The following TPH2 variants were observed in gnomAD, a reference collection of about 807,000 sequenced individuals.
The protein encoded by TPH2 is tryptophan 5-hydroxylase 2.
A neutral mutation model predicts 59.1 loss-of-function variants in TPH2; 27 were observed. The ratio of observed to expected loss-of-function variants is 0.46; its 90% CI spans 0.34 to 0.63. The LOEUF (loss-of-function observed/expected upper bound fraction) is 0.63, where lower values mean the gene tolerates loss of function less well. Among genes scored for constraint, TPH2 ranks in the 30% least tolerant of loss-of-function variants. The pLI, the probability that TPH2 is intolerant of heterozygous loss-of-function variation, is 0.01. For missense variants in TPH2, 523 were observed against 588.3 expected (o/e 0.89, Z 1.15); for synonymous variants, 220 against 210.5 (o/e 1.05, Z -0.39).
chr12:71,993,086 C>T (rs1388073295), intron 7 of TPH2, among the ~76,000 whole-genome samples: 1 of 152,206 alleles, frequency 6.6e-6, no homozygotes, highest in Non-Finnish European at 1.5e-5. Flanking sequence ...TCTCAAGTGG[C>T]TGCCCTTTCA....
chr12:72,030,932 A>G (rs1029045733), intron 9 of TPH2, among the ~76,000 whole-genome samples: 1 of 152,166 alleles, frequency 6.6e-6, no homozygotes, highest in Admixed American at 6.6e-5. Flanking sequence ...TTCATAGCAT[A>G]GATTTAAAAT....
chr12:71,984,024 C>T (rs1227094311), intron 7 of TPH2, among the ~76,000 whole-genome samples: 1 of 152,150 alleles, frequency 6.6e-6, no homozygotes, highest in Non-Finnish European at 1.5e-5. Flanking sequence ...GTGTTGTTCC[C>T]ATTCCACACA....
intron 9 of TPH2, among the ~76,000 whole-genome samples, chr12:72,023,195 A>AT (rs1461100488): frequency 6.6e-6 from 1 of 152,182 alleles, no homozygotes; most frequent in African/African-American, 2.4e-5. Context: ...GTTTTGATGC[A>AT]TTTTAAATGC....
chr12:71,960,268 G>A lies in TPH2; in HGVS notation c.608+10613G>A, dbSNP rs531486027. Among the ~76,000 whole-genome samples, 17 of 152,280 alleles carry A rather than the reference G, an allele frequency of 1.1e-4. No homozygotes were observed. In the South Asian group the frequency reaches 2.5e-3, roughly 22 times the overall value. On this transcript the variant is annotated intron_variant, in intron 5 of 10. Coordinates refer to ENST00000333850, the MANE Select transcript of TPH2 (RefSeq NM_173353.4). ...AATTCAAATATCTTTCTCTGCCCAAGATGCCACGTCTTTTCTTTTTTAAAA... is the reference window on the plus strand; with the variant it reads ...AATTCAAATATCTTTCTCTGCCCAAAATGCCACGTCTTTTCTTTTTTAAAA...
chr12:71,979,016 A>G lies in TPH2; in HGVS notation c.870A>G (p.Gly290=), dbSNP rs1592395894. Residue 290 remains glycine (G), a synonymous_variant, in exon 7 of 11, where the codon GGA becomes GGG. Transcript: ENST00000333850. ...GYLSPRDFLA[G]LAYRVFHCTQ... is the part of the protein sequence containing the mutation. Reference sequence around the variant, plus strand: ...TGAGCCCACGAGACTTTCTGGCAGGACTGGCCTACAGAGTGTTCCACTGTA... The same window carrying G: ...TGAGCCCACGAGACTTTCTGGCAGGGCTGGCCTACAGAGTGTTCCACTGTA... 2 of 1,614,122 alleles carry G rather than the reference A, an allele frequency of 1.2e-6. No individual in the cohort carries two copies. Among genetic ancestry groups the G allele is most frequent in the Non-Finnish European group, 1.7e-6 (2 of 1,180,012 alleles).
At chr12:72,015,128 A>G (rs1873205725) in intron 8 of TPH2, among the ~76,000 whole-genome samples, 1 of 152,050 alleles carries the variant, frequency 6.6e-6, no homozygotes, top group South Asian at 2.1e-4. Context: ...TCTAGTAGCT[A>G]GGGTAGGTGG....
chr12:71,970,505 A>G (rs1566130855), intron 5 of TPH2, among the ~76,000 whole-genome samples: 2 of 152,164 alleles, frequency 1.3e-5, no homozygotes, highest in African/African-American at 2.4e-5. Context: ...TGACCTAACG[A>G]TTCTTCTCAA....
At chr12:71,948,220 A>G (rs983638552) in intron 4 of TPH2, among the ~76,000 whole-genome samples, 4 of 151,498 alleles carry the variant, frequency 2.6e-5, no homozygotes, top group Admixed American at 1.3e-4. Flanking sequence ...GACTGTGGTA[A>G]GTATTTTGTA....
At chr12:72,024,291 C>T (rs1873508905) in intron 9 of TPH2, among the ~76,000 whole-genome samples, 1 of 152,190 alleles carries the variant, frequency 6.6e-6, no homozygotes, top group Non-Finnish European at 1.5e-5. Context: ...GGATGGGGTG[C>T]ACCAGTCTGT....
rs571216578 is a variant in TPH2 at position 71,995,123 on chromosome 12, C to T, written c.1068+558C>T. On this transcript the variant is annotated intron_variant, in intron 8 of 10. Transcript: ENST00000333850. ...CAACAAGCAATAAGACACTGAGGCT[C>T]AACAATTATTCTAAGTACAAAACCA... Among the ~76,000 whole-genome samples, 57 of 152,130 alleles carry T rather than the reference C, an allele frequency of 3.7e-4. 1 individual carries two copies. Among genetic ancestry groups the T allele is most frequent in the Admixed American group, 1.6e-3 (24 of 15,282 alleles).
intron 9 of TPH2, among the ~76,000 whole-genome samples, chr12:72,025,648 G>C (rs1228272633): frequency 6.6e-6 from 1 of 152,100 alleles, no homozygotes; most frequent in Non-Finnish European, 1.5e-5. Flanking sequence ...TTATTCTAAT[G>C]ATCTGTTCTG....
At chr12:72,021,225 T>C (rs775564142) in intron 8 of TPH2, among the ~76,000 whole-genome samples, 4 of 152,156 alleles carry the variant, frequency 2.6e-5, no homozygotes, top group Non-Finnish European at 4.4e-5. Flanking sequence ...TTTTTCTTTT[T>C]TTTTCTTCTC....
chr12:72,001,588 T>C (rs1872824292), intron 8 of TPH2, among the ~76,000 whole-genome samples: 3 of 152,064 alleles, frequency 2.0e-5, no homozygotes, highest in Non-Finnish European at 2.9e-5. Context: ...CGGCTAATTT[T>C]TGTATTTTTA....
At chr12:71,957,350 T>G (rs929314506) in intron 5 of TPH2, among the ~76,000 whole-genome samples, 6 of 147,760 alleles carry the variant, frequency 4.1e-5, no homozygotes, top group African/African-American at 1.3e-4. Context: ...TTTTTTTTTT[T>G]TGTGAGACAG....
At chr12:72,000,814 A>G (rs770426274) in intron 8 of TPH2, among the ~76,000 whole-genome samples, 3 of 152,132 alleles carry the variant, frequency 2.0e-5, no homozygotes, top group Non-Finnish European at 4.4e-5. Context: ...CTCTGCTCTC[A>G]TCCTCTTCTG....
intron 6 of TPH2, among the ~76,000 whole-genome samples, chr12:71,976,305 T>G (rs12319219): frequency 0.26 from 40,070 of 152,188 alleles, 5,625 homozygotes; most frequent in East Asian, 0.47. Context: ...TCCACAACCC[T>G]TGGTGAACTG....
chr12:71,991,863 A>T (rs896868953), intron 7 of TPH2, among the ~76,000 whole-genome samples: 6 of 152,168 alleles, frequency 3.9e-5, no homozygotes, highest in African/African-American at 1.4e-4. Context: ...ACATAATCAC[A>T]TTCAGTTGTA....
At chr12:71,964,466 A>T (rs891055423) in intron 5 of TPH2, 1 of 970,432 alleles carries the variant, frequency 1.0e-6, no homozygotes. Flanking sequence ...TATTTTTAGT[A>T]TTTTTGTATT....
chr12:72,003,010 A>G (rs1294138849), intron 8 of TPH2, among the ~76,000 whole-genome samples: 1 of 152,168 alleles, frequency 6.6e-6, no homozygotes, highest in African/African-American at 2.4e-5. Flanking sequence ...TAGAAGTGTA[A>G]TTATAAAGGT....
Sources: gnomAD v4.1 joint callset for allele counts (sites outside exome capture counted in the v4.1 genomes callset) on GRCh38, gnomAD v4.1.1 for gene constraint, MANE v1.5 for transcripts, NCBI Gene and HGNC (gene_info 2026-07-23, HGNC 2026-07-21) for gene names.